The following SPATC1L variants were observed in gnomAD, a reference collection of about 807,000 sequenced individuals.
SPATC1L encodes the protein spermatogenesis and centriole associated 1 like.
A neutral mutation model predicts 21.2 loss-of-function variants in SPATC1L; 20 were observed. The ratio of observed to expected loss-of-function variants is 0.94; its 90% CI spans 0.66 to 1.37. SPATC1L has a LOEUF of 1.37. Among genes scored for constraint, SPATC1L ranks in the 40% most tolerant of loss-of-function variants. SPATC1L has a pLI of 0.00. For missense variants in SPATC1L, 499 were observed against 478.7 expected (o/e 1.04, Z -0.40); for synonymous variants, 290 against 234.5 (o/e 1.24, Z -2.16).
intron 3 of SPATC1L, among the ~76,000 whole-genome samples, chr21:46,166,417 T>C (rs1485170337): frequency 2.0e-5 from 3 of 152,004 alleles, no homozygotes; most frequent in Non-Finnish European, 4.4e-5. Context: ...GTATGTGAGT[T>C]TGGTCAAAAA....
intron 2 of SPATC1L, 145 bp from the exon 3 acceptor site, chr21:46,168,803 C>A (rs2079560510): frequency 2.1e-6 from 1 of 470,830 alleles, no homozygotes; most frequent in Non-Finnish European, 3.5e-6. Context: ...AGAGCATCCT[C>A]CTTCCCCTCA....
At chr21:46,165,693 G>C (rs1372369399) in intron 3 of SPATC1L, among the ~76,000 whole-genome samples, 6 of 137,636 alleles carry the variant, frequency 4.4e-5, no homozygotes, top group African/African-American at 1.9e-4. Flanking sequence ...ACTTAGACAT[G>C]AGTATGAGGA....
chr21:46,179,494 T>C (rs2123653239), intron 2 of SPATC1L, among the ~76,000 whole-genome samples: 1 of 152,346 alleles, frequency 6.6e-6, no homozygotes, highest in South Asian at 2.1e-4. Flanking sequence ...AGAAAAACTT[T>C]AATTTCAAAC....
At chr21:46,171,027 G>A (rs2079585667) in intron 2 of SPATC1L, among the ~76,000 whole-genome samples, 1 of 152,188 alleles carries the variant, frequency 6.6e-6, no homozygotes, top group South Asian at 2.1e-4. Flanking sequence ...TGGATGGGGA[G>A]GAGCCTCCTG....
chr21:46,161,351 G>T lies in SPATC1L; in HGVS notation c.*28C>A, dbSNP rs1041534795. The T allele has an allele frequency of 6.7e-7, 1 of 1,487,406 alleles. No homozygotes were observed. The allele number at this position is 1,487,406 out of a possible 1,614,324, so 92.1% of individuals were successfully genotyped here. A position where few individuals can be genotyped will look rare whatever the true frequency, so the allele number is the denominator to read the frequency against. On this transcript the variant is annotated 3_prime_UTR_variant, in exon 5 of 5. Coordinates refer to ENST00000291672, the MANE Select transcript of SPATC1L (RefSeq NM_001142854.2). ...CCGGGTTGGAACAAACGCGTTTACT[G>T]CAGGCAAGGCGGCGGGCGCGGGGCG...
chr21:46,176,835 G>A (rs1366495581), intron 2 of SPATC1L, among the ~76,000 whole-genome samples: 2 of 152,132 alleles, frequency 1.3e-5, no homozygotes, highest in African/African-American at 4.8e-5. Flanking sequence ...GCAATCCTAA[G>A]CAAAAATAAC....
intron 2 of SPATC1L, among the ~76,000 whole-genome samples, chr21:46,181,218 G>A (rs969551989): frequency 5.9e-5 from 9 of 152,190 alleles, no homozygotes; most frequent in East Asian, 3.9e-4. Flanking sequence ...GACCCTGCAC[G>A]TGGCCCAGCA....
At chr21:46,169,172 T>C (rs2079563417) in intron 2 of SPATC1L, among the ~76,000 whole-genome samples, 2 of 152,274 alleles carry the variant, frequency 1.3e-5, no homozygotes, top group Non-Finnish European at 2.9e-5. Flanking sequence ...CTTGCCCTAT[T>C]GATGGACAGG....
chr21:46,174,687 G>A (rs2079619385), intron 2 of SPATC1L, among the ~76,000 whole-genome samples: 1 of 152,140 alleles, frequency 6.6e-6, no homozygotes, highest in Non-Finnish European at 1.5e-5. Flanking sequence ...CCTTCAAAGA[G>A]GCTTAGACTC....
chr21:46,167,281 C>T (rs964026112), intron 3 of SPATC1L, among the ~76,000 whole-genome samples: 21 of 152,250 alleles, frequency 1.4e-4, no homozygotes, highest in Admixed American at 3.3e-4. Flanking sequence ...CAGCAAAAGC[C>T]ATACTAAGAG....
rs1290136530 is a variant in SPATC1L, at chr21:46,182,736, C to T, written c.81G>A (p.Glu27=). ...TGAGCAGCCGCCGCAGCATCTGATTCTCCTTCAGGAGGCGCACCTGCTTCT... is the reference window on the plus strand; with the variant it reads ...TGAGCAGCCGCCGCAGCATCTGATTTTCCTTCAGGAGGCGCACCTGCTTCT... ...DLKKQVRLLK[E]NQMLRRLLSQ... The change falls in exon 2 of 5, where the codon GAG becomes GAA. Residue 27 remains glutamate (E), a synonymous_variant. Coordinates refer to ENST00000291672, the MANE Select transcript of SPATC1L (RefSeq NM_001142854.2). The T allele has an allele frequency of 4.5e-6, 7 of 1,547,848 alleles. No homozygotes were observed. Among genetic ancestry groups the T allele is most frequent in the Non-Finnish European group, 6.1e-6 (7 of 1,146,702 alleles).
chr21:46,166,094 A>T (rs112723216), intron 3 of SPATC1L, among the ~76,000 whole-genome samples: 16,060 of 152,224 alleles, frequency 0.11, 1,485 homozygotes, highest in African/African-American at 0.25. Flanking sequence ...AGGCAGGTGC[A>T]GTAGCTCATG....
chr21:46,163,591 G>A (rs1021318410), intron 3 of SPATC1L, among the ~76,000 whole-genome samples: 4 of 152,152 alleles, frequency 2.6e-5, no homozygotes, highest in Non-Finnish European at 2.9e-5. Flanking sequence ...CCAGCACCAC[G>A]CGTTAGACAG....
At chr21:46,167,815 G>T (rs923764498) in intron 3 of SPATC1L, among the ~76,000 whole-genome samples, 6 of 152,158 alleles carry the variant, frequency 3.9e-5, no homozygotes, top group Non-Finnish European at 2.9e-5. Flanking sequence ...ATTGATCAGA[G>T]ACCTACATGT....
chr21:46,172,118 CGGGGGATGCACAGAGTGTGAGGT>C (rs1161005136), intron 2 of SPATC1L, among the ~76,000 whole-genome samples: 7 of 10,130 alleles, frequency 6.9e-4, no homozygotes, highest in Admixed American at 2.1e-3. Context: ...GAGCATGAGG[CGGGGGATGCACAGAGTGTGAGGT>C]GGGGGATGCA....
At position 46,168,719 on chromosome 21, in the gene SPATC1L, G is replaced by C. The variant is rs560270320; in HGVS notation, c.194-61C>G. ...GATGCTCCTAAAACATTCCTGGGAA[G>C]TATAAAGAACATGTTAACAACCCCT... On this transcript the variant is annotated intron_variant, in intron 2 of 4. Transcript: ENST00000291672. 14 of 1,197,058 alleles carry C rather than the reference G, an allele frequency of 1.2e-5. No homozygotes were observed. In the African/African-American group the frequency reaches 2.0e-4, roughly 17 times the overall value. The allele number at this position is 1,197,058 out of a possible 1,614,324, so 74.2% of individuals were successfully genotyped here.
chr21:46,162,189 C>G lies in SPATC1L; in HGVS notation c.545-122G>C, dbSNP rs879807961. On this transcript the variant is annotated intron_variant, in intron 3 of 4. Transcript: ENST00000291672. ...CCCTCCTCCCACCTGCCGCCACCCC[C>G]CACTGTCTGGCAAATAGAATCTGAA... 3.8e-5 allele frequency: 42 copies of G among 1,102,022 alleles called. 1 individual carries two copies. In the Admixed American group the frequency reaches 1.1e-3, roughly 29 times the overall value. The allele number at this position is 1,102,022 out of a possible 1,614,324, so 68.3% of individuals were successfully genotyped here.
chr21:46,169,185 C>T (rs2839128), intron 2 of SPATC1L, among the ~76,000 whole-genome samples: 17,361 of 146,482 alleles, frequency 0.12, 1,569 homozygotes, highest in Non-Finnish European at 0.16. Flanking sequence ...TGGACAGGGC[C>T]TGTTTCCATG....
chr21:46,184,007 T>G (rs1037527937), intron 1 of SPATC1L, among the ~76,000 whole-genome samples: 2 of 152,016 alleles, frequency 1.3e-5, no homozygotes, highest in African/African-American at 4.8e-5. Flanking sequence ...GAGACCAGCC[T>G]GAGGCAGCCC....
Sources: allele counts gnomAD v4.1 joint callset (sites outside exome capture counted in the v4.1 genomes callset), GRCh38; gene constraint gnomAD v4.1.1; transcripts MANE v1.5; gene names NCBI Gene and HGNC (gene_info 2026-07-23, HGNC 2026-07-21).